The following EPHA4 variants were observed in gnomAD, a reference collection of about 807,000 sequenced individuals.
EPHA4 encodes the protein EPH receptor A4.
In EPHA4, 19 loss-of-function variants were observed where a neutral mutation model predicts 108.3. That is an observed-to-expected ratio of 0.18 (90% CI 0.12 to 0.26). The LOEUF (loss-of-function observed/expected upper bound fraction) is 0.26. Ranked by LOEUF, EPHA4 falls within the 10% of genes least tolerant of loss-of-function variation. The probability of loss-of-function intolerance (pLI) is 1.00; values close to 1 mark genes in which losing one functional copy is unlikely to be tolerated. For synonymous variants in EPHA4, 449 were observed against 455.5 expected, an observed-to-expected ratio of 0.99 and a Z score of 0.18; for missense variants, 917 against 1,254.0, an observed-to-expected ratio of 0.73 and a Z score of 4.06.
intron 5 of EPHA4, among the ~76,000 whole-genome samples, chr2:221,469,963 G>A (rs1176725456): frequency 6.6e-6 from 1 of 152,152 alleles, no homozygotes; most frequent in Non-Finnish European, 1.5e-5. Flanking sequence ...GAAGATAGAT[G>A]CTCTTTAGCA....
intron 8 of EPHA4, 98 bp downstream of exon 8, chr2:221,455,449 G>T: frequency 2.2e-6 from 2 of 912,910 alleles, no homozygotes; most frequent in South Asian, 1.5e-5. Flanking sequence ...CCAAGTTTAT[G>T]ACGCAATCAA....
At chr2:221,440,475 G>T (rs766539799) in intron 11 of EPHA4, among the ~76,000 whole-genome samples, 1 of 152,120 alleles carries the variant, frequency 6.6e-6, no homozygotes, top group Non-Finnish European at 1.5e-5. Flanking sequence ...GGCTCTGGGC[G>T]GCCCTGAAGG....
rs1559267502 is a variant in EPHA4 at position 221,499,717 on chromosome 2, TATATATATATATATATATA to T, written c.979+1281_979+1299del. 1.5e-3 allele frequency among the ~76,000 whole-genome samples: 65 copies of T among 42,638 alleles called. 1 individual carries two copies. Among genetic ancestry groups the T allele is most frequent in the Middle Eastern group, 0.048 (2 of 42 alleles). The allele number at this position is 42,638 out of a possible 152,430, so 28.0% of individuals were successfully genotyped here. ...TAGTCATAATGATAACTAAAACTAATATATATATATATATATATATATATATATATATATATATATTTTT... is the reference window on the plus strand; with the variant it reads ...TAGTCATAATGATAACTAAAACTAATTATATATATATATATATATATTTTT... On this transcript the variant is annotated intron_variant, in intron 4 of 17. Transcript: ENST00000281821.
intron 8 of EPHA4, among the ~76,000 whole-genome samples, chr2:221,452,338 G>A (rs1690812828): frequency 6.6e-6 from 1 of 152,226 alleles, no homozygotes; most frequent in Non-Finnish European, 1.5e-5. Context: ...ACTACTGGCT[G>A]AAGTCTGGCA....
At chr2:221,561,007 C>A (rs1278118571) in intron 3 of EPHA4, among the ~76,000 whole-genome samples, 2 of 152,134 alleles carry the variant, frequency 1.3e-5, no homozygotes, top group Non-Finnish European at 2.9e-5. Flanking sequence ...CTTTGGGAGG[C>A]CAAGGCGGGT....
intron 13 of EPHA4, among the ~76,000 whole-genome samples, chr2:221,436,152 TAGAG>T (rs1165988207): frequency 6.6e-6 from 1 of 152,106 alleles, no homozygotes; most frequent in Non-Finnish European, 1.5e-5. Context: ...AAAAAAAACA[TAGAG>T]GGAAAGATAA....
At chr2:221,539,626 G>C (rs1294559664) in intron 3 of EPHA4, among the ~76,000 whole-genome samples, 1 of 152,166 alleles carries the variant, frequency 6.6e-6, no homozygotes, top group Non-Finnish European at 1.5e-5. Flanking sequence ...CTAAAATACA[G>C]CGTAAACTCC....
At chr2:221,533,080 A>C (rs1394778558) in intron 3 of EPHA4, 1 of 152,146 alleles carries the variant, frequency 6.6e-6, no homozygotes, top group Non-Finnish European at 1.5e-5. Flanking sequence ...ATTAAAAGAG[A>C]AAGGTAAATA....
intron 4 of EPHA4, among the ~76,000 whole-genome samples, chr2:221,488,508 T>C (rs929366441): frequency 2.0e-5 from 3 of 152,214 alleles, no homozygotes; most frequent in African/African-American, 7.2e-5. Flanking sequence ...TAGATACATT[T>C]AATGAACATC....
chr2:221,482,486 G>A lies in EPHA4; in HGVS notation c.1184C>T (p.Thr395Ile), dbSNP rs1402681482. ...GAGGTCAGTGATGGAGACTTTGGTG[G>A]TCTTCAAGCCATTCTGCTGTGGGGT... is the stretch of plus-strand genomic sequence containing the variant. The part of the protein sequence containing the change: ...HYTPQQNGLK[T>I]TKVSITDLLA... The change falls in exon 5 of 18, where the codon ACC (threonine) becomes ATC (isoleucine). Residue 395 changes from threonine (T) to isoleucine (I), a missense_variant. Around this residue, in one of 3 missense-constraint regions of EPHA4, gnomAD observed 758 missense variants for 1,076.7 expected, o/e 0.70. Coordinates refer to ENST00000281821, the MANE Select transcript of EPHA4 (RefSeq NM_004438.5). The A allele has an allele frequency of 6.2e-7, 1 of 1,614,052 alleles. No homozygotes were observed. The highest frequency in any genetic ancestry group is 1.1e-5 in the South Asian group (1 of 91,080).
Position 221,564,290 on chromosome 2 carries a change from C to A in EPHA4, c.264G>T (p.Trp88Cys), listed in dbSNP as rs1222041854. 1 of 1,614,134 alleles carries A rather than the reference C, an allele frequency of 6.2e-7. No individual in the cohort carries two copies. The highest frequency in any genetic ancestry group is 8.5e-7 in the Non-Finnish European group (1 of 1,180,020). Residue 88 changes from tryptophan (W) to cysteine (C), a missense_variant, in exon 3 of 18, where the codon TGG becomes TGT. Coordinates refer to ENST00000281821, the MANE Select transcript of EPHA4 (RefSeq NM_004438.5). ...PSQNNWLRTD[W>C]ITREGAQRVY... ...CCCTCTGAGCCCCTTCTCGGGTGATCCAATCAGTTCGTAGCCAGTTATTCT... is the reference window on the plus strand; with the variant it reads ...CCCTCTGAGCCCCTTCTCGGGTGATACAATCAGTTCGTAGCCAGTTATTCT...
chr2:221,550,973 AAT>A (rs1415507915), intron 3 of EPHA4, among the ~76,000 whole-genome samples: 2 of 152,102 alleles, frequency 1.3e-5, no homozygotes, highest in Non-Finnish European at 2.9e-5. Flanking sequence ...GTTTAAAATT[AAT>A]ATGATATTAA....
chr2:221,482,115 C>A (rs2106141023), intron 5 of EPHA4, among the ~76,000 whole-genome samples: 1 of 152,164 alleles, frequency 6.6e-6, no homozygotes, highest in South Asian at 2.1e-4. Context: ...TCGTGTTGCC[C>A]AGTCTGGTCT....
At chr2:221,443,640 T>G (rs1372101493) in intron 9 of EPHA4, 34 bp from the exon 10 acceptor site, 1 of 1,488,070 alleles carries the variant, frequency 6.7e-7, no homozygotes, top group Non-Finnish European at 9.4e-7. Context: ...GGCTGAATAC[T>G]TCTAAGGAAC....
rs1156488343 is a variant in EPHA4 at position 221,474,844 on chromosome 2, GAAGAT to G, written c.1318+7503_1318+7507del. Among the ~76,000 whole-genome samples, 3 of 152,120 alleles carry G rather than the reference GAAGAT, an allele frequency of 2.0e-5. No individual in the cohort carries two copies. In the East Asian group the frequency reaches 5.8e-4, roughly 29 times the overall value. ...GGCAAGCATGACATCATCTCGGAGAGAAGATAAGGCACAGGAGCAGAGCATAGAAT... is the reference window on the plus strand; with the variant it reads ...GGCAAGCATGACATCATCTCGGAGAGAAGGCACAGGAGCAGAGCATAGAAT... On this transcript the variant is annotated intron_variant, in intron 5 of 17. Coordinates refer to ENST00000281821, the MANE Select transcript of EPHA4 (RefSeq NM_004438.5).
chr2:221,423,854 G>A (rs1005837903), intron 17 of EPHA4, among the ~76,000 whole-genome samples: 4 of 152,028 alleles, frequency 2.6e-5, no homozygotes, highest in Admixed American at 6.6e-5. Flanking sequence ...AGTGACCGAC[G>A]CCTGTAATCC....
At chr2:221,561,998 G>T (rs189696313) in intron 3 of EPHA4, among the ~76,000 whole-genome samples, 1 of 152,104 alleles carries the variant, frequency 6.6e-6, no homozygotes, top group Non-Finnish European at 1.5e-5. Context: ...TCATTTCACT[G>T]TTCCTGCTAT....
At position 221,429,979 on chromosome 2, in the gene EPHA4, C is replaced by T; in HGVS notation, c.2669G>A (p.Arg890Lys). The T allele has an allele frequency of 6.2e-7, 1 of 1,614,120 alleles. No individual in the cohort carries two copies. Among genetic ancestry groups the T allele is most frequent in the Non-Finnish European group, 8.5e-7 (1 of 1,180,012 alleles). The change falls in exon 15 of 18, where the codon AGG becomes AAG. Residue 890 changes from arginine (R) to lysine (K), a missense_variant. Physicochemically the swap from Arg to Lys is conservative, Grantham distance 26. Around this residue, in one of 3 missense-constraint regions of EPHA4, gnomAD observed 133 missense variants for 132.8 expected, o/e 1.00. Transcript: ENST00000281821. ...TGACCTGGAGCTCTCCGTCCCTGTC[C>T]TCTTCAAGCTGTTGGGGTTGCGGAT... The part of the protein sequence containing the change: ...KLIRNPNSLK[R>K]TGTESSRPNT...
chr2:221,561,447 AC>A (rs1694462278), intron 3 of EPHA4, among the ~76,000 whole-genome samples: 1 of 152,162 alleles, frequency 6.6e-6, no homozygotes, highest in Non-Finnish European at 1.5e-5. Flanking sequence ...AATAACAAAA[AC>A]AAAAAACAAA....
Sources: allele counts gnomAD v4.1 joint callset (sites outside exome capture counted in the v4.1 genomes callset), GRCh38; gene constraint gnomAD v4.1.1; regional missense constraint gnomAD v4.1.1; transcripts MANE v1.5; gene names NCBI Gene and HGNC (gene_info 2026-07-23, HGNC 2026-07-21).